Variants in SPTLC2 observed in about 807,000 individuals in gnomAD.
SPTLC2 encodes the protein serine palmitoyltransferase long chain base subunit 2, also known as serine palmitoyltransferase 2.
A neutral mutation model predicts 62.0 loss-of-function variants in SPTLC2; 21 were observed. The observed-to-expected ratio is 0.34, with a 90% CI of 0.24 to 0.49. The LOEUF is 0.49. SPTLC2 is among the 20% of genes least tolerant of loss of function. SPTLC2 has a pLI of 0.99. For synonymous variants in SPTLC2, 261 were observed against 261.8 expected, an observed-to-expected ratio of 1.00 and a Z score of 0.03; for missense variants, 511 against 713.0, an observed-to-expected ratio of 0.72 and a Z score of 3.23.
intron 9 of SPTLC2, among the ~76,000 whole-genome samples, chr14:77,529,616 CTTTCTTTT>C (rs1461898568): frequency 2.4e-5 from 2 of 83,510 alleles, no homozygotes; most frequent in South Asian, 5.0e-4. Context: ...CAATTTCTTT[CTTTCTTTT>C]TTTTTTTTTT....
intron 1 of SPTLC2, among the ~76,000 whole-genome samples, chr14:77,614,502 A>C (rs2267754): frequency 0.43 from 65,654 of 151,720 alleles, 14,530 homozygotes; most frequent in East Asian, 0.63. Flanking sequence ...GTATCTACTA[A>C]AAATACAAAA....
At chr14:77,553,294 A>G (rs1338541946) in intron 8 of SPTLC2, among the ~76,000 whole-genome samples, 1 of 152,158 alleles carries the variant, frequency 6.6e-6, no homozygotes, top group East Asian at 1.9e-4. Context: ...TAAAAAAACC[A>G]AAAGCACAAA....
At chr14:77,607,490 ATTT>A in intron 1 of SPTLC2, among the ~76,000 whole-genome samples, 1 of 152,170 alleles carries the variant, frequency 6.6e-6, no homozygotes, top group East Asian at 1.9e-4. Flanking sequence ...ATTGCCTGAG[ATTT>A]TCTTTTTTTA....
chr14:77,577,530 T>C lies in SPTLC2; in HGVS notation c.483-615A>G, dbSNP rs551968046. ...CACATGTATACTGTAAAATACAATG[T>C]AGTCACTACAAATAATAAACTTGCT... On this transcript the variant is annotated intron_variant, in intron 3 of 11. Transcript: ENST00000216484. Among the ~76,000 whole-genome samples the C allele has an allele frequency of 9.2e-5, 14 of 152,346 alleles. No individual in the cohort carries two copies. In the South Asian group the frequency reaches 2.9e-3, roughly 32 times the overall value.
chr14:77,573,279 G>A (rs1172678694), intron 4 of SPTLC2, among the ~76,000 whole-genome samples: 1 of 151,990 alleles, frequency 6.6e-6, no homozygotes, highest in East Asian at 1.9e-4. Context: ...AGCAGAGTAG[G>A]GTGACTATAG....
intron 5 of SPTLC2, among the ~76,000 whole-genome samples, chr14:77,567,037 C>T (rs1237705708): frequency 6.6e-6 from 1 of 152,146 alleles, no homozygotes; most frequent in Admixed American, 6.5e-5. Flanking sequence ...GTGGCCCGAT[C>T]TCGGCTCACT....
At chr14:77,557,498 C>A (rs990425164) in intron 6 of SPTLC2, among the ~76,000 whole-genome samples, 2 of 152,124 alleles carry the variant, frequency 1.3e-5, no homozygotes, top group African/African-American at 4.8e-5. Context: ...TATCTCTAAT[C>A]CCAGTGAGTC....
intron 6 of SPTLC2, among the ~76,000 whole-genome samples, chr14:77,559,923 G>A (rs1226164701): frequency 2.0e-5 from 3 of 151,366 alleles, no homozygotes; most frequent in Non-Finnish European, 2.9e-5. Flanking sequence ...GCAACATAAA[G>A]GAAAAGATAA....
intron 9 of SPTLC2, among the ~76,000 whole-genome samples, chr14:77,537,983 T>A (rs2079479691): frequency 6.6e-6 from 1 of 152,200 alleles, no homozygotes; most frequent in African/African-American, 2.4e-5. Context: ...TGAACGACTA[T>A]CTTACTTCCC....
intron 4 of SPTLC2, among the ~76,000 whole-genome samples, chr14:77,575,485 G>A (rs982414116): frequency 6.6e-6 from 1 of 152,070 alleles, no homozygotes; most frequent in African/African-American, 2.4e-5. Context: ...TGATACTTTG[G>A]GACCTGTACA....
intron 1 of SPTLC2, among the ~76,000 whole-genome samples, chr14:77,607,341 T>C (rs1325888728): frequency 6.6e-6 from 1 of 152,220 alleles, no homozygotes. Flanking sequence ...CAATTATTTA[T>C]AGGTTGGTGC....
rs901924046 is a variant in SPTLC2, at chr14:77,511,590, C to T, written c.*694G>A. ...CTTGGGAAGAACCAGAATTTGCGCA[C>T]ATCCTCAGACTGTGACCATTATGAA... On this transcript the variant is annotated 3_prime_UTR_variant, in exon 12 of 12. Coordinates refer to ENST00000216484, the MANE Select transcript of SPTLC2 (RefSeq NM_004863.4). 2 of 153,494 alleles carry T rather than the reference C, an allele frequency of 1.3e-5. No homozygotes were observed. The highest frequency in any genetic ancestry group is 2.9e-5 in the Non-Finnish European group (2 of 69,030). The allele number at this position is 153,494 out of a possible 1,614,324, so 9.5% of individuals were successfully genotyped here.
intron 9 of SPTLC2, among the ~76,000 whole-genome samples, chr14:77,539,495 T>C (rs2079488675): frequency 8.1e-6 from 1 of 122,820 alleles, no homozygotes; most frequent in African/African-American, 2.8e-5. Context: ...TTTTTTTTTT[T>C]TTTTTTTTTT....
At position 77,521,677 on chromosome 14, in the gene SPTLC2, G is replaced by A. The variant is rs2079385584; in HGVS notation, c.1304-96C>T. On this transcript the variant is annotated intron_variant, in intron 9 of 11. Transcript: ENST00000216484. ...CCTCTATCTCCATTCTATCTAATCA[G>A]TTCTGTTTCGTTTTTTTCCATTTCA... is the stretch of plus-strand genomic sequence containing the variant. 2.6e-6 allele frequency: 3 copies of A among 1,135,906 alleles called. No homozygotes were observed. In the Admixed American group the frequency reaches 5.6e-5, roughly 21 times the overall value. 70.4% of individuals were successfully genotyped at this position (1,135,906 alleles called of 1,614,324 possible).
chr14:77,611,855 T>C (rs1023057548), intron 1 of SPTLC2, among the ~76,000 whole-genome samples: 1 of 151,724 alleles, frequency 6.6e-6, no homozygotes, highest in African/African-American at 2.4e-5. Flanking sequence ...GCAGAGATTA[T>C]CTCAATGTTT....
chr14:77,517,821 G>A (rs186173775), intron 11 of SPTLC2, among the ~76,000 whole-genome samples: 27 of 152,208 alleles, frequency 1.8e-4, no homozygotes, highest in Admixed American at 3.3e-4. Flanking sequence ...GGAGACAGTA[G>A]AGCAAGACAA....
intron 2 of SPTLC2, among the ~76,000 whole-genome samples, chr14:77,595,100 G>A (rs963521719): frequency 2.6e-5 from 4 of 151,960 alleles, no homozygotes; most frequent in East Asian, 3.9e-4. Context: ...ACAGTGGCTC[G>A]CATCTGTAAT....
At chr14:77,557,475 C>A (rs1367942574) in intron 6 of SPTLC2, among the ~76,000 whole-genome samples, 3 of 152,132 alleles carry the variant, frequency 2.0e-5, no homozygotes, top group Non-Finnish European at 4.4e-5. Flanking sequence ...TCGAAAAATA[C>A]AGAATCAAAC....
intron 5 of SPTLC2, among the ~76,000 whole-genome samples, chr14:77,563,672 C>T (rs141324403): frequency 2.6e-5 from 4 of 152,080 alleles, no homozygotes; most frequent in East Asian, 1.9e-4. Flanking sequence ...GTGATCCACC[C>T]GCCTCAGCGT....
Sources: allele counts gnomAD v4.1 joint callset (sites outside exome capture counted in the v4.1 genomes callset), GRCh38; gene constraint gnomAD v4.1.1; transcripts MANE v1.5; gene names NCBI Gene and HGNC (gene_info 2026-07-23, HGNC 2026-07-21).